PALLD: variants seen among roughly 807,000 people sequenced by gnomAD.
The protein encoded by PALLD is palladin, cytoskeletal associated protein, also known as palladin.
A neutral mutation model predicts 123.5 loss-of-function variants in PALLD; 61 were observed. That is an observed-to-expected ratio of 0.49 (90% CI 0.40 to 0.61). The LOEUF is 0.61. Among genes scored for constraint, PALLD ranks in the 20% least tolerant of loss-of-function variants. The pLI is 0.00. For missense variants in PALLD, 1,273 were observed against 1,377.0 expected (o/e 0.92, Z 1.20); for synonymous variants, 465 against 496.4 (o/e 0.94, Z 0.84).
intron 10 of PALLD, among the ~76,000 whole-genome samples, chr4:168,819,008 A>G (rs1742347900): frequency 6.6e-6 from 1 of 152,168 alleles, no homozygotes; most frequent in African/African-American, 2.4e-5. Flanking sequence ...TCAATAATAA[A>G]TGCCTTTCAA....
chr4:168,621,177 T>A (rs1181520340), intron 2 of PALLD, among the ~76,000 whole-genome samples: 1 of 152,254 alleles, frequency 6.6e-6, no homozygotes, highest in Non-Finnish European at 1.5e-5. Flanking sequence ...TTGATAAACC[T>A]CTGAAAGTTC....
intron 10 of PALLD, among the ~76,000 whole-genome samples, chr4:168,774,857 A>G (rs549780438): frequency 3.1e-4 from 47 of 151,316 alleles, no homozygotes; most frequent in African/African-American, 9.9e-4. Context: ...CTGTCACTAT[A>G]TATTTGTCTT....
In PALLD at chr4:168,836,972, T is replaced by G. The variant is rs140969899; in HGVS notation, c.1965-53950T>G. On this transcript the variant is annotated intron_variant, in intron 10 of 21. Transcript: ENST00000505667. ...CACTCAGAGCTCCAACTTGAGTTTT[T>G]TAAGGTTTTTAATTCCAGTTACAAT... Among the ~76,000 whole-genome samples the G allele has an allele frequency of 1.8e-3, 270 of 152,292 alleles. 4 individuals are homozygous for G. Among genetic ancestry groups the G allele is most frequent in the East Asian group, 7.3e-3 (38 of 5,190 alleles).
intron 8 of PALLD, among the ~76,000 whole-genome samples, chr4:168,697,650 C>G (rs1266895656): frequency 6.6e-6 from 1 of 152,196 alleles, no homozygotes; most frequent in Admixed American, 6.5e-5. Flanking sequence ...CAGAAGCGTT[C>G]TGCTTTGGTC....
intron 10 of PALLD, among the ~76,000 whole-genome samples, chr4:168,813,106 G>A (rs1037727438): frequency 1.0e-4 from 2 of 19,706 alleles, no homozygotes; most frequent in African/African-American, 3.7e-4. Flanking sequence ...ACGTACTTTT[G>A]GGGGGGGCGG....
rs529723591 is a variant in PALLD at position 168,667,063 on chromosome 4, A to C, written c.909-1127A>C. Among the ~76,000 whole-genome samples the C allele has an allele frequency of 5.3e-3, 810 of 152,320 alleles. 11 individuals carry two copies. The highest frequency in any genetic ancestry group is 9.0e-3 in the Non-Finnish European group (611 of 68,024). On this transcript the variant is annotated intron_variant, in intron 2 of 21. Coordinates refer to ENST00000505667, the MANE Select transcript of PALLD (RefSeq NM_001166108.2). The stretch of plus-strand genomic sequence containing the variant: ...TCTTATCTCTTCTTTGGTGGGAATC[A>C]CATATTTACTGTTGAGCATGGTTTC...
chr4:168,786,373 G>A (rs1366359257), intron 10 of PALLD, among the ~76,000 whole-genome samples: 2 of 152,020 alleles, frequency 1.3e-5, no homozygotes, highest in African/African-American at 4.8e-5. Flanking sequence ...ATACTTATTG[G>A]CATAGAAATA....
In PALLD at chr4:168,877,827, C is replaced by G. The variant is rs186421929; in HGVS notation, c.1965-13095C>G. The G allele has an allele frequency of 6.9e-4, 906 of 1,306,592 alleles. 1 individual carries two copies. The highest frequency in any genetic ancestry group is 9.4e-4 in the Admixed American group (26 of 27,630). 80.9% of individuals were successfully genotyped at this position (1,306,592 alleles called of 1,614,324 possible). A position where few individuals can be genotyped will look rare whatever the true frequency, so the allele number is the denominator to read the frequency against. ...CCGCGCAGCGCGCCGCCCTCGCCCC[C>G]CTTCCCGCCGCCGCCCGCCTTCCCC... On this transcript the variant is annotated intron_variant, in intron 10 of 21. Coordinates refer to ENST00000505667, the MANE Select transcript of PALLD (RefSeq NM_001166108.2).
At chr4:168,714,307 T>C (rs565520477) in intron 10 of PALLD, among the ~76,000 whole-genome samples, 1 of 152,302 alleles carries the variant, frequency 6.6e-6, no homozygotes, top group East Asian at 1.9e-4. Context: ...CAAAGTTTTC[T>C]TTCAGTGTTT....
intron 2 of PALLD, among the ~76,000 whole-genome samples, chr4:168,541,120 T>C (rs1257215540): frequency 1.3e-5 from 2 of 152,194 alleles, no homozygotes; most frequent in Admixed American, 1.3e-4. Context: ...CACAAACACA[T>C]TGTCATATTT....
chr4:168,774,827 G>A (rs1393975938), intron 10 of PALLD, among the ~76,000 whole-genome samples: 2 of 150,484 alleles, frequency 1.3e-5, no homozygotes, highest in Admixed American at 6.6e-5. Flanking sequence ...GCTCCCTCCT[G>A]GTAACCGCTG....
intron 8 of PALLD, among the ~76,000 whole-genome samples, chr4:168,701,858 C>A (rs1374777726): frequency 1.3e-5 from 2 of 152,164 alleles, no homozygotes; most frequent in African/African-American, 4.8e-5. Context: ...AGCTGAGAAG[C>A]CTTCACCACT....
chr4:168,561,524 C>T (rs1392791306), intron 2 of PALLD, among the ~76,000 whole-genome samples: 1 of 152,232 alleles, frequency 6.6e-6, no homozygotes, highest in African/African-American at 2.4e-5. Flanking sequence ...ATCCACCTGC[C>T]TTGGCCTCCC....
At chr4:168,806,495 A>G (rs1185298717) in intron 10 of PALLD, among the ~76,000 whole-genome samples, 1 of 152,182 alleles carries the variant, frequency 6.6e-6, no homozygotes, top group African/African-American at 2.4e-5. Flanking sequence ...AAGGCCTCCC[A>G]GCCATGCAGC....
intron 2 of PALLD, among the ~76,000 whole-genome samples, chr4:168,595,300 T>A (rs1251386129): frequency 6.6e-6 from 1 of 152,182 alleles, no homozygotes; most frequent in Non-Finnish European, 1.5e-5. Context: ...CAGCTATATT[T>A]TGGCAAGTGT....
intron 10 of PALLD, among the ~76,000 whole-genome samples, chr4:168,874,074 C>A (rs1194180839): frequency 2.6e-5 from 4 of 152,150 alleles, no homozygotes; most frequent in African/African-American, 7.2e-5. Context: ...GTAAAGTAAC[C>A]AGAATTGATT....
chr4:168,728,593 A>G (rs911380649), intron 10 of PALLD, among the ~76,000 whole-genome samples: 2 of 152,196 alleles, frequency 1.3e-5, no homozygotes, highest in African/African-American at 4.8e-5. Context: ...CAATTCTAGT[A>G]GCCTTTTGGT....
At chr4:168,708,992 AACT>A (rs1334947791) in intron 8 of PALLD, 33 bp from the exon 9 acceptor site, 1 of 1,608,388 alleles carries the variant, frequency 6.2e-7, no homozygotes, top group East Asian at 2.2e-5. Flanking sequence ...TTCATGGTTC[AACT>A]CTGATGAATG....
chr4:168,632,038 C>T (rs761208178), intron 2 of PALLD: 30 of 450,352 alleles, frequency 6.7e-5, no homozygotes, highest in Admixed American at 1.9e-4. Flanking sequence ...TACCGTGTTC[C>T]GCCACGGTTT....
Sources: gnomAD v4.1 joint callset for allele counts (sites outside exome capture counted in the v4.1 genomes callset) on GRCh38, gnomAD v4.1.1 for gene constraint, MANE v1.5 for transcripts, NCBI Gene and HGNC (gene_info 2026-07-23, HGNC 2026-07-21) for gene names.